Variants in STK31 observed in about 807,000 individuals in gnomAD.
The protein encoded by STK31 is serine/threonine kinase 31.
STK31 carries 89 observed loss-of-function variants against 129.7 expected under a neutral mutation model. That is an observed-to-expected ratio of 0.69 (90% CI 0.58 to 0.82). The LOEUF (loss-of-function observed/expected upper bound fraction) is 0.82. Ranked by LOEUF, STK31 falls within the 40% of genes least tolerant of loss-of-function variation. STK31 has a pLI of 0.00. For missense variants in STK31, 1,187 were observed against 1,176.4 expected (o/e 1.01, Z -0.13); for synonymous variants, 448 against 395.3 (o/e 1.13, Z -1.58).
intron 15 of STK31, among the ~76,000 whole-genome samples, chr7:23,779,431 A>G (rs1180004154): frequency 6.6e-6 from 1 of 152,182 alleles, no homozygotes; most frequent in Non-Finnish European, 1.5e-5. Context: ...TGCTGAAGCT[A>G]TGCCCACAGC....
At chr7:23,733,537 G>C (rs191414309) in intron 6 of STK31, among the ~76,000 whole-genome samples, 12 of 151,824 alleles carry the variant, frequency 7.9e-5, no homozygotes, top group Non-Finnish European at 1.2e-4. Flanking sequence ...AGCTGGGTGC[G>C]GTGTCTCACG....
At chr7:23,710,971 C>A (rs1785918524) in intron 1 of STK31, among the ~76,000 whole-genome samples, 1 of 152,084 alleles carries the variant, frequency 6.6e-6, no homozygotes, top group African/African-American at 2.4e-5. Flanking sequence ...TAGAAAAGAA[C>A]CCTTGCTTTG....
intron 22 of STK31, among the ~76,000 whole-genome samples, chr7:23,804,824 T>G (rs1792594509): frequency 1.3e-5 from 2 of 152,236 alleles, no homozygotes; most frequent in African/African-American, 4.8e-5. Context: ...TCCTGTCCTC[T>G]CATTTACTGT....
At chr7:23,763,767 TTTC>T (rs1789627763) in intron 11 of STK31, among the ~76,000 whole-genome samples, 2 of 111,736 alleles carry the variant, frequency 1.8e-5, no homozygotes, top group African/African-American at 6.7e-5. Context: ...ATGTTTTCAT[TTTC>T]TAATGTTTTC....
At chr7:23,828,926 G>GT (rs1174789775) in intron 23 of STK31, among the ~76,000 whole-genome samples, 2 of 151,146 alleles carry the variant, frequency 1.3e-5, no homozygotes, top group Non-Finnish European at 2.9e-5. Context: ...TTGAGATGGA[G>GT]TTTCGTTCGT....
At chr7:23,831,793 A>G (rs1031288305) in intron 23 of STK31, among the ~76,000 whole-genome samples, 6 of 152,152 alleles carry the variant, frequency 3.9e-5, no homozygotes, top group Non-Finnish European at 7.3e-5. Flanking sequence ...ACTTCCAAGT[A>G]TACAACTCTC....
intron 6 of STK31, among the ~76,000 whole-genome samples, chr7:23,730,878 A>ATATATATATATATATATATATAT: frequency 1.8e-4 from 11 of 59,558 alleles, no homozygotes; most frequent in Non-Finnish European, 2.6e-4. Flanking sequence ...ATATATATAT[A>ATATATATATATATATATATATAT]TTTTTTTTTT....
At chr7:23,764,053 A>G (rs1789654375) in intron 11 of STK31, among the ~76,000 whole-genome samples, 1 of 152,186 alleles carries the variant, frequency 6.6e-6, no homozygotes, top group Non-Finnish European at 1.5e-5. Flanking sequence ...CTGGATGAAG[A>G]TGTAGTTTTG....
chr7:23,822,818 T>C (rs1000473262), intron 23 of STK31, among the ~76,000 whole-genome samples: 1 of 152,116 alleles, frequency 6.6e-6, no homozygotes, highest in Non-Finnish European at 1.5e-5. Context: ...CATTGTTCAG[T>C]TCCCACCTGT....
chr7:23,770,885 T>G (rs1463777515), intron 13 of STK31, 120 bp from the exon 14 acceptor site: 1 of 1,091,744 alleles, frequency 9.2e-7, no homozygotes, highest in Non-Finnish European at 1.3e-6. Context: ...AAGAACTGTT[T>G]TGAAATCACT....
intron 23 of STK31, among the ~76,000 whole-genome samples, chr7:23,820,142 A>C (rs1414169958): frequency 6.6e-6 from 1 of 152,186 alleles, no homozygotes; most frequent in Non-Finnish European, 1.5e-5. Flanking sequence ...CCCATAATTC[A>C]ATTCCATTGT....
chr7:23,808,171 T>TATA (rs1378297880), intron 22 of STK31, among the ~76,000 whole-genome samples: 2 of 129,352 alleles, frequency 1.5e-5, no homozygotes, highest in African/African-American at 5.8e-5. Context: ...ATATATATAT[T>TATA]TTTTGTAGGC....
rs117934198 is a variant in STK31, at chr7:23,747,039, C to A, written c.1018-5678C>A. On this transcript the variant is annotated intron_variant, in intron 8 of 23. Transcript: ENST00000355870. ...CAAACCTGTGTTGTTCAGGCATCAA[C>A]TATGTTTCTTTTCATACATTGTTGG... 6.7e-3 allele frequency among the ~76,000 whole-genome samples: 1,027 copies of A among 152,150 alleles called. 10 individuals are homozygous for A. Among genetic ancestry groups the A allele is most frequent in the Middle Eastern group, 0.02 (6 of 294 alleles).
intron 4 of STK31, among the ~76,000 whole-genome samples, chr7:23,719,251 A>G (rs560965541): frequency 6.6e-6 from 1 of 152,260 alleles, no homozygotes; most frequent in Admixed American, 6.5e-5. Context: ...TATTTCAATG[A>G]CAAAAAGTAT....
At chr7:23,783,448 GA>G (rs1196130455) in intron 16 of STK31, 134 bp from the exon 17 acceptor site, 1 of 540,842 alleles carries the variant, frequency 1.8e-6, no homozygotes. Flanking sequence ...TCTTGAAGTA[GA>G]AGGCAAAATC....
At chr7:23,805,936 G>A (rs1792679465) in intron 22 of STK31, among the ~76,000 whole-genome samples, 1 of 152,356 alleles carries the variant, frequency 6.6e-6, no homozygotes, top group Non-Finnish European at 1.5e-5. Context: ...GAGGGAGTAT[G>A]TTATTATCCA....
At chr7:23,795,008 G>A (rs946229902) in intron 22 of STK31, among the ~76,000 whole-genome samples, 21 of 152,292 alleles carry the variant, frequency 1.4e-4, no homozygotes, top group African/African-American at 4.6e-4. Context: ...AAGAAAACCC[G>A]TTTCCTGGGA....
At chr7:23,748,703 C>T (rs1402826894) in intron 8 of STK31, among the ~76,000 whole-genome samples, 2 of 152,112 alleles carry the variant, frequency 1.3e-5, no homozygotes. Context: ...TATGCTTTTC[C>T]TAATAACATT....
At chr7:23,821,443 A>G (rs1403620846) in intron 23 of STK31, among the ~76,000 whole-genome samples, 1 of 152,008 alleles carries the variant, frequency 6.6e-6, no homozygotes, top group Non-Finnish European at 1.5e-5. Flanking sequence ...TCATATACTT[A>G]TTGGTCATTT....
Sources: gnomAD v4.1 joint callset for allele counts (sites outside exome capture counted in the v4.1 genomes callset) on GRCh38, gnomAD v4.1.1 for gene constraint, MANE v1.5 for transcripts, NCBI Gene and HGNC (gene_info 2026-07-23, HGNC 2026-07-21) for gene names.